Variants in INPP4B observed in about 807,000 individuals in gnomAD.
The protein encoded by INPP4B is inositol polyphosphate-4-phosphatase type II B, also known as inositol polyphosphate 4-phosphatase type II.
INPP4B carries 55 observed loss-of-function variants against 122.5 expected under a neutral mutation model. The observed-to-expected ratio is 0.45, with a 90% CI of 0.36 to 0.56. INPP4B has a LOEUF of 0.56. INPP4B is among the 20% of genes least tolerant of loss of function. The pLI is 0.00. For missense variants in INPP4B, 1,000 were observed against 1,097.7 expected (o/e 0.91, Z 1.26); for synonymous variants, 403 against 388.7 (o/e 1.04, Z -0.43).
chr4:142,029,031 A>C, intron 25 of INPP4B, 117 bp from the exon 26 acceptor site: 1 of 1,434,414 alleles, frequency 7.0e-7, no homozygotes, highest in Non-Finnish European at 9.1e-7. Flanking sequence ...ATTCAACTCT[A>C]CATTTTTTTT....
rs148719806 is a variant in INPP4B at position 142,646,845 on chromosome 4, T to C, written c.-191+78994A>G. Among the ~76,000 whole-genome samples the C allele has an allele frequency of 2.7e-3, 416 of 152,260 alleles. 2 individuals carry two copies. Among genetic ancestry groups the C allele is most frequent in the African/African-American group, 9.5e-3 (393 of 41,562 alleles). ...AAGGAGCAAGGGTGCTCTTGAGAAG[T>C]TTGGACCATACAAAACTAAGCAAAC... On this transcript the variant is annotated intron_variant, in intron 2 of 25. Coordinates refer to ENST00000262992, the MANE Select transcript of INPP4B (RefSeq NM_001101669.3).
At chr4:142,606,730 A>G (rs969414291) in intron 2 of INPP4B, among the ~76,000 whole-genome samples, 1 of 152,016 alleles carries the variant, frequency 6.6e-6, no homozygotes, top group Admixed American at 6.6e-5. Flanking sequence ...GCTGCTGGCA[A>G]TGTTTCTGTT....
intron 25 of INPP4B, among the ~76,000 whole-genome samples, chr4:142,033,399 G>A (rs554464711): frequency 6.6e-6 from 1 of 152,296 alleles, no homozygotes; most frequent in South Asian, 2.1e-4. Context: ...AGGGTTGGAA[G>A]GAGTTGCTGT....
At chr4:142,094,128 T>C (rs1780801672) in intron 23 of INPP4B, among the ~76,000 whole-genome samples, 1 of 152,182 alleles carries the variant, frequency 6.6e-6, no homozygotes. Context: ...AATCTAAAGA[T>C]GATTTGTTAA....
intron 12 of INPP4B, among the ~76,000 whole-genome samples, chr4:142,223,506 T>C (rs1850256767): frequency 6.6e-6 from 1 of 152,186 alleles, no homozygotes; most frequent in Non-Finnish European, 1.5e-5. Flanking sequence ...AATGTGCTTC[T>C]AAATGAGTTT....
intron 1 of INPP4B, among the ~76,000 whole-genome samples, chr4:142,822,266 C>A (rs1780879485): frequency 6.6e-6 from 1 of 152,158 alleles, no homozygotes; most frequent in Non-Finnish European, 1.5e-5. Context: ...TATCATTTAA[C>A]CATCACAACT....
At chr4:142,061,115 G>T (rs1760419340) in intron 25 of INPP4B, among the ~76,000 whole-genome samples, 1 of 152,158 alleles carries the variant, frequency 6.6e-6, no homozygotes, top group Admixed American at 6.5e-5. Flanking sequence ...ATCCAGGCAG[G>T]TGAATGGATC....
At position 142,142,963 on chromosome 4, in the gene INPP4B, A is replaced by G. The variant is rs147734062; in HGVS notation, c.1720+2877T>C. On this transcript the variant is annotated intron_variant, in intron 18 of 25. Coordinates refer to ENST00000262992, the MANE Select transcript of INPP4B (RefSeq NM_001101669.3). ...TGGTAGAACAGACTTTTCCCTATCCATATAAAGACAGGGCAGACCTATGAA... is the reference window on the plus strand; with the variant it reads ...TGGTAGAACAGACTTTTCCCTATCCGTATAAAGACAGGGCAGACCTATGAA... Among the ~76,000 whole-genome samples, 767 of 152,154 alleles carry G rather than the reference A, an allele frequency of 5.0e-3. 10 individuals carry two copies. The highest frequency in any genetic ancestry group is 0.018 in the African/African-American group (730 of 41,526).
In INPP4B at chr4:142,792,296, A is replaced by G. The variant is rs551025983; in HGVS notation, c.-254+53913T>C. ...TTAGAAAATGTTACTCCAATTGGCA[A>G]AACAATACATATAAATTTTAGAAAA... On this transcript the variant is annotated intron_variant, in intron 1 of 25. Coordinates refer to ENST00000262992, the MANE Select transcript of INPP4B (RefSeq NM_001101669.3). 2.0e-5 allele frequency among the ~76,000 whole-genome samples: 3 copies of G among 152,164 alleles called. No homozygotes were observed. The South Asian group carries it at 6.2e-4, about 32-fold the overall frequency.
At chr4:142,673,194 T>C (rs1365981263) in intron 2 of INPP4B, among the ~76,000 whole-genome samples, 1 of 152,144 alleles carries the variant, frequency 6.6e-6, no homozygotes, top group African/African-American at 2.4e-5. Flanking sequence ...ATTTAGAAAA[T>C]ATTATTGTGG....
chr4:142,172,677 C>T (rs1826181959), intron 16 of INPP4B, among the ~76,000 whole-genome samples: 1 of 151,874 alleles, frequency 6.6e-6, no homozygotes, highest in South Asian at 2.1e-4. Flanking sequence ...GTTAAATAAG[C>T]ATAAGATATT....
intron 11 of INPP4B, among the ~76,000 whole-genome samples, chr4:142,250,786 T>A (rs1731590220): frequency 2.0e-5 from 3 of 152,152 alleles, no homozygotes; most frequent in Admixed American, 1.3e-4. Context: ...TGGGTGGTCC[T>A]CCAGGCTGAC....
intron 23 of INPP4B, among the ~76,000 whole-genome samples, chr4:142,098,719 G>C: frequency 6.6e-6 from 1 of 152,106 alleles, no homozygotes; most frequent in African/African-American, 2.4e-5. Context: ...ACGTAGATGG[G>C]GAAGACTGTA....
intron 2 of INPP4B, among the ~76,000 whole-genome samples, chr4:142,522,876 T>C (rs1018392124): frequency 5.9e-5 from 9 of 152,172 alleles, no homozygotes; most frequent in Non-Finnish European, 1.3e-4. Context: ...TACTATATTT[T>C]AAAGTGGCTA....
At chr4:142,256,988 A>T (rs1736533283) in intron 11 of INPP4B, among the ~76,000 whole-genome samples, 1 of 152,226 alleles carries the variant, frequency 6.6e-6, no homozygotes, top group South Asian at 2.1e-4. Context: ...CCAGCAGCAC[A>T]TCAAAAAGCT....
intron 2 of INPP4B, among the ~76,000 whole-genome samples, chr4:142,597,866 G>A (rs571561114): frequency 7.9e-5 from 12 of 152,118 alleles, no homozygotes; most frequent in Middle Eastern, 3.4e-3. Context: ...AAAACAAAAC[G>A]TTCCCAACTC....
intron 2 of INPP4B, among the ~76,000 whole-genome samples, chr4:142,519,208 G>T (rs1465506590): frequency 6.6e-6 from 1 of 151,918 alleles, no homozygotes; most frequent in East Asian, 1.9e-4. Flanking sequence ...CACTTTTAAG[G>T]AATTAAAACT....
Position 142,270,694 on chromosome 4 carries a change from T to C in INPP4B, c.584A>G (p.Asp195Gly), listed in dbSNP as rs796780634. ...TCCCTGTACATCTGTGGTGATGTGGTCGGCTTCCCCATCCTCAATCTCCCC... is the reference window on the plus strand; with the variant it reads ...TCCCTGTACATCTGTGGTGATGTGGCCGGCTTCCCCATCCTCAATCTCCCC... ...KMGEIEDGEA[D>G]HITTDVQGQK... The change falls in exon 10 of 26, where the codon GAC becomes GGC. Residue 195 changes from aspartate (D) to glycine (G), a missense_variant. Transcript: ENST00000262992. 5 of 1,612,748 alleles carry C rather than the reference T, an allele frequency of 3.1e-6. No homozygotes were observed. In the African/African-American group the frequency reaches 5.3e-5, roughly 17 times the overall value.
At chr4:142,260,628 T>C in intron 10 of INPP4B, 64 bp from the exon 11 acceptor site, 2 of 1,120,250 alleles carry the variant, frequency 1.8e-6, no homozygotes, top group Non-Finnish European at 2.6e-6. Flanking sequence ...AATGATATTA[T>C]TTTATTTGCA....
Sources: allele counts gnomAD v4.1 joint callset (sites outside exome capture counted in the v4.1 genomes callset), GRCh38; gene constraint gnomAD v4.1.1; transcripts MANE v1.5; gene names NCBI Gene and HGNC (gene_info 2026-07-23, HGNC 2026-07-21).